Variants in HS3ST4 observed in about 807,000 individuals in gnomAD.
HS3ST4 encodes heparan sulfate-glucosamine 3-sulfotransferase 4, also known as heparan sulfate glucosamine 3-O-sulfotransferase 4.
HS3ST4 carries 17 observed loss-of-function variants against 29.2 expected under a neutral mutation model. The observed-to-expected ratio is 0.58, with a 90% CI of 0.40 to 0.87. HS3ST4 has a LOEUF of 0.87. Among genes scored for constraint, HS3ST4 ranks in the 40% least tolerant of loss-of-function variants. The probability of loss-of-function intolerance (pLI) is 0.00; values close to 1 mark genes in which losing one functional copy is unlikely to be tolerated. For synonymous variants in HS3ST4, 314 were observed against 285.7 expected (o/e 1.10, Z -1.00); for missense variants, 627 against 634.5 (o/e 0.99, Z 0.13).
intron 1 of HS3ST4, among the ~76,000 whole-genome samples, chr16:26,035,928 C>T (rs757090419): frequency 6.6e-6 from 1 of 152,166 alleles, no homozygotes; most frequent in Non-Finnish European, 1.5e-5. Flanking sequence ...CAGGAAGAGT[C>T]CTTTCTCAAA....
intron 1 of HS3ST4, among the ~76,000 whole-genome samples, chr16:25,882,162 C>CT (rs1368446404): frequency 6.6e-6 from 1 of 152,140 alleles, no homozygotes; most frequent in African/African-American, 2.4e-5. Context: ...CTTTCATGTG[C>CT]TACAGAGTCC....
intron 1 of HS3ST4, among the ~76,000 whole-genome samples, chr16:25,855,154 T>C (rs1430760666): frequency 6.6e-6 from 1 of 152,160 alleles, no homozygotes; most frequent in Admixed American, 6.6e-5. Flanking sequence ...ATTGAAAGAT[T>C]TTCTGATTGG....
intron 1 of HS3ST4, among the ~76,000 whole-genome samples, chr16:25,789,192 A>G (rs191548466): frequency 3.9e-4 from 59 of 152,118 alleles, no homozygotes; most frequent in African/African-American, 1.3e-3. Flanking sequence ...TTTAGTCTCA[A>G]TTCCTCATTT....
At chr16:25,968,135 AAG>A (rs1968861690) in intron 1 of HS3ST4, among the ~76,000 whole-genome samples, 1 of 152,116 alleles carries the variant, frequency 6.6e-6, no homozygotes, top group African/African-American at 2.4e-5. Flanking sequence ...CAGGGCCAGA[AAG>A]AGTCCTTGCA....
At chr16:25,815,619 G>A (rs1967086062) in intron 1 of HS3ST4, among the ~76,000 whole-genome samples, 1 of 152,104 alleles carries the variant, frequency 6.6e-6, no homozygotes. Flanking sequence ...TACTGTGCCC[G>A]GCCATAAGTA....
chr16:25,892,258 C>T (rs1043470245), intron 1 of HS3ST4, among the ~76,000 whole-genome samples: 14 of 152,120 alleles, frequency 9.2e-5, no homozygotes, highest in African/African-American at 1.4e-4. Context: ...GGCAGGCATG[C>T]GGCAAGCTGA....
intron 1 of HS3ST4, among the ~76,000 whole-genome samples, chr16:25,698,645 T>C (rs1428048543): frequency 6.6e-6 from 1 of 152,230 alleles, no homozygotes; most frequent in South Asian, 2.1e-4. Context: ...GAAATCCAAA[T>C]AGAGTCTCAG....
intron 1 of HS3ST4, among the ~76,000 whole-genome samples, chr16:25,810,171 A>C (rs139530339): frequency 6.6e-6 from 1 of 151,952 alleles, no homozygotes; most frequent in Non-Finnish European, 1.5e-5. Context: ...TGTACTTTCA[A>C]TTTTATTTAG....
chr16:25,831,725 A>G (rs1050954405), intron 1 of HS3ST4, among the ~76,000 whole-genome samples: 2 of 152,230 alleles, frequency 1.3e-5, no homozygotes, highest in Non-Finnish European at 2.9e-5. Flanking sequence ...CATTCCTGGC[A>G]CATAGTAGGT....
At chr16:25,828,311 T>TTTCTTTCTTTCC (rs1567249566) in intron 1 of HS3ST4, among the ~76,000 whole-genome samples, 5 of 117,344 alleles carry the variant, frequency 4.3e-5, no homozygotes, top group African/African-American at 1.8e-4. Context: ...CCTCTCTCTC[T>TTTCTTTCTTTCC]CTCTCTCTCT....
rs572758020 is a variant in HS3ST4 at position 25,803,292 on chromosome 16, G to A, written c.734+110141G>A. On this transcript the variant is annotated intron_variant, in intron 1 of 1. Transcript: ENST00000331351. ...TGTTTTCACATTCCCTATAATTTCCGGAATGATGTTAAATAAAAACTGAGA... is the reference window on the plus strand; with the variant it reads ...TGTTTTCACATTCCCTATAATTTCCAGAATGATGTTAAATAAAAACTGAGA... Among the ~76,000 whole-genome samples the A allele has an allele frequency of 5.9e-5, 9 of 152,072 alleles. No homozygotes were observed. In the South Asian group the frequency reaches 1.5e-3, roughly 25 times the overall value.
intron 1 of HS3ST4, among the ~76,000 whole-genome samples, chr16:25,796,073 C>T (rs560082308): frequency 6.6e-6 from 1 of 152,236 alleles, no homozygotes; most frequent in African/African-American, 2.4e-5. Flanking sequence ...CCTTCTGTCT[C>T]GGATATTTCC....
chr16:25,875,586 T>C lies in HS3ST4; in HGVS notation c.734+182435T>C, dbSNP rs138038051. On this transcript the variant is annotated intron_variant, in intron 1 of 1. Coordinates refer to ENST00000331351, the MANE Select transcript of HS3ST4 (RefSeq NM_006040.3). ...AGCAATCCCTGGTCCATCTTGCCCC[T>C]TGATATCTGTCACACCTGTTAAGTC... Among the ~76,000 whole-genome samples the C allele has an allele frequency of 4.2e-3, 641 of 152,276 alleles. 4 individuals are homozygous for C. Among genetic ancestry groups the C allele is most frequent in the African/African-American group, 0.015 (617 of 41,578 alleles).
chr16:25,873,324 T>TCCATCCATCCATCCA (rs1390499399), intron 1 of HS3ST4, among the ~76,000 whole-genome samples: 4 of 50,356 alleles, frequency 7.9e-5, no homozygotes, highest in Non-Finnish European at 9.5e-5. Flanking sequence ...CCATCCATCC[T>TCCATCCATCCATCCA]TCCTTCCTTC....
At chr16:25,844,964 G>A (rs1036305214) in intron 1 of HS3ST4, among the ~76,000 whole-genome samples, 8 of 152,214 alleles carry the variant, frequency 5.3e-5, no homozygotes, top group Non-Finnish European at 1.2e-4. Context: ...CCCAAACACT[G>A]CATGTTCTCA....
chr16:25,735,458 G>A (rs1966602164), intron 1 of HS3ST4, among the ~76,000 whole-genome samples: 1 of 151,832 alleles, frequency 6.6e-6, no homozygotes, highest in Non-Finnish European at 1.5e-5. Context: ...GTGCAATCAT[G>A]GCTTACTGCA....
At chr16:25,812,932 C>G (rs1307631988) in intron 1 of HS3ST4, among the ~76,000 whole-genome samples, 1 of 152,116 alleles carries the variant, frequency 6.6e-6, no homozygotes, top group Non-Finnish European at 1.5e-5. Context: ...TTCAATTTAC[C>G]TCTTATAGAA....
At chr16:25,975,724 A>G (rs866462337) in intron 1 of HS3ST4, among the ~76,000 whole-genome samples, 3 of 152,080 alleles carry the variant, frequency 2.0e-5, no homozygotes, top group Admixed American at 6.5e-5. Flanking sequence ...AATCCTCTTA[A>G]AATGTTAAGT....
intron 1 of HS3ST4, among the ~76,000 whole-genome samples, chr16:25,703,972 A>G (rs541178096): frequency 2.0e-5 from 3 of 152,160 alleles, no homozygotes; most frequent in African/African-American, 4.8e-5. Context: ...CTCATTACTT[A>G]TCTCCCCCTC....
Sources: allele counts gnomAD v4.1 joint callset (sites outside exome capture counted in the v4.1 genomes callset), GRCh38; gene constraint gnomAD v4.1.1; transcripts MANE v1.5; gene names NCBI Gene and HGNC (gene_info 2026-07-23, HGNC 2026-07-21).